Variants in PTBP3 observed in about 807,000 individuals in gnomAD.
PTBP3 encodes the protein polypyrimidine tract binding protein 3, also known as polypyrimidine tract-binding protein 3.
Under a neutral mutation model 58.7 loss-of-function variants are expected in PTBP3, and 20 were observed. That is an observed-to-expected ratio of 0.34 (90% confidence interval 0.24 to 0.50). PTBP3 has a LOEUF of 0.50. Ranked by LOEUF, PTBP3 falls within the 20% of genes least tolerant of loss-of-function variation. The probability of loss-of-function intolerance (pLI) is 0.98; values close to 1 mark genes in which losing one functional copy is unlikely to be tolerated. For missense variants in PTBP3, 509 were observed against 637.2 expected (o/e 0.80, Z 2.17); for synonymous variants, 185 against 219.8 (o/e 0.84, Z 1.40).
intron 1 of PTBP3, among the ~76,000 whole-genome samples, chr9:112,324,058 A>G (rs1316208136): frequency 6.6e-6 from 1 of 152,132 alleles, no homozygotes. Flanking sequence ...GACAAGAATT[A>G]CAGAGGTTTC....
the PTBP3 span, chr9:112,379,870 C>A: frequency 1.8e-6 from 1 of 544,126 alleles, no homozygotes; most frequent in South Asian, 2.2e-5. Flanking sequence ...CTGATTGTCA[C>A]CGTACGACCA....
chr9:112,280,824 A>G (rs904874245), intron 2 of PTBP3, among the ~76,000 whole-genome samples: 18 of 137,778 alleles, frequency 1.3e-4, no homozygotes, highest in African/African-American at 5.1e-4. Flanking sequence ...TAGTTTAGAG[A>G]TCACTAGTTT....
At chr9:112,374,280 T>C in the PTBP3 span, among the ~76,000 whole-genome samples, 4 of 152,158 alleles carry the variant, frequency 2.6e-5, no homozygotes, top group Non-Finnish European at 5.9e-5. Context: ...AATGGAATCA[T>C]TGTTGTGTCT....
chr9:112,257,216 G>T (rs1231193033), intron 5 of PTBP3, among the ~76,000 whole-genome samples: 1 of 152,152 alleles, frequency 6.6e-6, no homozygotes, highest in South Asian at 2.1e-4. Flanking sequence ...CCCCTGGATT[G>T]TATTCACTGA....
chr9:112,260,473 G>A (rs1176136005), intron 5 of PTBP3, among the ~76,000 whole-genome samples: 1 of 152,080 alleles, frequency 6.6e-6, no homozygotes, highest in African/African-American at 2.4e-5. Context: ...CAGGGGAGAG[G>A]GCTTGTTTAA....
chr9:112,220,385 A>G lies in PTBP3; in HGVS notation c.*3466T>C. 2 of 1,224,844 alleles carry G rather than the reference A, an allele frequency of 1.6e-6. No individual in the cohort carries two copies. The highest frequency in any genetic ancestry group is 2.1e-6 in the Non-Finnish European group (2 of 960,412). 75.9% of individuals were successfully genotyped at this position (1,224,844 alleles called of 1,614,324 possible). Reference sequence around the variant, plus strand: ...AGTTGGCGAGACCCCTAAAAATAAAATAAAGTAAAATAAAAAGAAATTGAG... The same window carrying G: ...AGTTGGCGAGACCCCTAAAAATAAAGTAAAGTAAAATAAAAAGAAATTGAG... On this transcript the variant is annotated 3_prime_UTR_variant, in exon 14 of 14. Coordinates refer to ENST00000374257, the MANE Select transcript of PTBP3 (RefSeq NM_001163788.4).
chr9:112,304,399 C>T (rs1205114962), intron 1 of PTBP3, among the ~76,000 whole-genome samples: 2 of 152,158 alleles, frequency 1.3e-5, no homozygotes, highest in Non-Finnish European at 2.9e-5. Context: ...ACCTACTTAT[C>T]CAGTTATCTC....
intron 1 of PTBP3, among the ~76,000 whole-genome samples, chr9:112,324,041 G>C (rs1159949995): frequency 5.9e-5 from 9 of 151,960 alleles, no homozygotes; most frequent in African/African-American, 2.2e-4. Flanking sequence ...ACCTATGGAG[G>C]TACAGGGACA....
chr9:112,233,430 A>G (rs778942226), intron 8 of PTBP3, among the ~76,000 whole-genome samples: 1 of 151,980 alleles, frequency 6.6e-6, no homozygotes, highest in Non-Finnish European at 1.5e-5. Context: ...AGAAATATCC[A>G]AAATGAGGGA....
the PTBP3 span, among the ~76,000 whole-genome samples, chr9:112,376,704 TG>T: frequency 4.6e-5 from 7 of 152,150 alleles, no homozygotes; most frequent in Non-Finnish European, 8.8e-5. Flanking sequence ...GGATGTAGGC[TG>T]GGAGGCTAGG....
intron 2 of PTBP3, among the ~76,000 whole-genome samples, chr9:112,294,448 G>T (rs1194630004): frequency 6.6e-6 from 1 of 152,170 alleles, no homozygotes; most frequent in Non-Finnish European, 1.5e-5. Context: ...AACCCAGGAG[G>T]TTGAGGCTGC....
chr9:112,239,844 AG>A (rs1835579936), intron 7 of PTBP3, among the ~76,000 whole-genome samples: 1 of 11,144 alleles, frequency 9.0e-5, no homozygotes, highest in African/African-American at 3.3e-4. Context: ...GGAGGGAGGG[AG>A]GGAGGGAGGG....
intron 2 of PTBP3, among the ~76,000 whole-genome samples, chr9:112,277,951 C>CATAACATAAT (rs1827696135): frequency 9.3e-5 from 8 of 86,034 alleles, no homozygotes; most frequent in South Asian, 4.2e-4. Context: ...CATAATATAA[C>CATAACATAAT]ATAACATAAC....
At chr9:112,306,174 T>C (rs1170138351) in intron 1 of PTBP3, among the ~76,000 whole-genome samples, 1 of 151,286 alleles carries the variant, frequency 6.6e-6, no homozygotes, top group Non-Finnish European at 1.5e-5. Flanking sequence ...TTTTTTAAAC[T>C]TTTTTTTTGA....
chr9:112,354,528 A>G, the PTBP3 span, among the ~76,000 whole-genome samples: 1 of 152,240 alleles, frequency 6.6e-6, no homozygotes, highest in African/African-American at 2.4e-5. Context: ...GTGGAGGATT[A>G]CTTGTATCAG....
chr9:112,319,505 T>C (rs1829835723), intron 1 of PTBP3, among the ~76,000 whole-genome samples: 1 of 152,096 alleles, frequency 6.6e-6, no homozygotes, highest in African/African-American at 2.4e-5. Context: ...CACAAGGAAA[T>C]ATGACCTCAC....
intron 1 of PTBP3, among the ~76,000 whole-genome samples, chr9:112,302,592 T>TTTTTTTTTTTTTTTTTTTTG (rs1828989933): frequency 7.6e-6 from 1 of 131,874 alleles, no homozygotes; most frequent in African/African-American, 3.4e-5. Context: ...CTTTTTTTTT[T>TTTTTTTTTTTTTTTTTTTTG]TTTTTTTTTT....
At chr9:112,255,555 C>T (rs951976783) in intron 5 of PTBP3, among the ~76,000 whole-genome samples, 8 of 152,084 alleles carry the variant, frequency 5.3e-5, no homozygotes, top group Admixed American at 2.6e-4. Flanking sequence ...GCCCAGGTGG[C>T]GTTCTAAATT....
At chr9:112,339,830 T>G in the PTBP3 span, among the ~76,000 whole-genome samples, 1 of 152,146 alleles carries the variant, frequency 6.6e-6, no homozygotes, top group Admixed American at 6.6e-5. Context: ...CCTCCCAAAG[T>G]GCTGGGATTA....
Sources: allele counts gnomAD v4.1 joint callset (sites outside exome capture counted in the v4.1 genomes callset), GRCh38; gene constraint gnomAD v4.1.1; transcripts MANE v1.5; gene names NCBI Gene and HGNC (gene_info 2026-07-23, HGNC 2026-07-21).